The following RRM1 variants were observed in gnomAD, a reference collection of about 807,000 sequenced individuals.
The protein encoded by RRM1 is ribonucleotide reductase catalytic subunit M1, also known as ribonucleoside-diphosphate reductase large subunit.
Under a neutral mutation model 101.5 loss-of-function variants are expected in RRM1, and 19 were observed. The ratio of observed to expected loss-of-function variants is 0.19; its 90% CI spans 0.13 to 0.27. The LOEUF (loss-of-function observed/expected upper bound fraction) is 0.27. Among genes scored for constraint, RRM1 ranks in the 10% least tolerant of loss-of-function variants. RRM1 has a pLI of 1.00. For synonymous variants in RRM1, 298 were observed against 323.4 expected (o/e 0.92, Z 0.84); for missense variants, 500 against 962.9 (o/e 0.52, Z 6.36).
chr11:4,127,291 G>A (rs774936484), intron 14 of RRM1, 35 bp downstream of exon 14: 2 of 1,391,870 alleles, frequency 1.4e-6, no homozygotes, highest in Non-Finnish European at 2.0e-6. Flanking sequence ...TTGCCTGTGA[G>A]TACCTGTAGT....
At chr11:4,123,456 C>T (rs1274817263) in intron 12 of RRM1, 72 bp downstream of exon 12, 5 of 1,167,624 alleles carry the variant, frequency 4.3e-6, no homozygotes, top group Admixed American at 3.5e-5. Flanking sequence ...GAATTCCTCA[C>T]TTGATTTCAC....
Position 4,132,234 on chromosome 11 carries a change from C to T in RRM1, c.1770-52C>T. 1 of 1,591,862 alleles carries T rather than the reference C, an allele frequency of 6.3e-7. No individual in the cohort carries two copies. The highest frequency in any genetic ancestry group is 8.6e-7 in the Non-Finnish European group (1 of 1,160,960). The stretch of plus-strand genomic sequence containing the variant: ...TACAGTGACTTAAAGTAGCTGCTTT[C>T]CTGGCAGATTGTAGCTTTGGGACTA... On this transcript the variant is annotated intron_variant, in intron 15 of 18. Coordinates refer to ENST00000300738, the MANE Select transcript of RRM1 (RefSeq NM_001033.5). The surrounding 1 kb of genome is among the most constrained non-coding windows in gnomAD (Gnocchi z 4.1).
intron 1 of RRM1, 85 bp downstream of exon 1, chr11:4,095,116 GCCTTCGCTGCTT>G: frequency 1.6e-6 from 2 of 1,270,294 alleles, no homozygotes; most frequent in South Asian, 1.3e-5. Flanking sequence ...CCGCCCGCCC[GCCTTCGCTGCTT>G]CCCGCCTTTC....
intron 1 of RRM1, among the ~76,000 whole-genome samples, chr11:4,101,414 A>T (rs2094550716): frequency 2.0e-5 from 3 of 151,986 alleles, no homozygotes; most frequent in East Asian, 3.9e-4. Context: ...CTGGGTTCAA[A>T]CAATTCTCCT....
Position 4,094,901 on chromosome 11 carries a change from T to C in RRM1, c.-112T>C. ...TGGCTCCAACTCCAGTTCTTTCCCC[T>C]GAGCAGCGCCTGGAACCTAACCCTT... On this transcript the variant is annotated 5_prime_UTR_variant, in exon 1 of 19. Coordinates refer to ENST00000300738, the MANE Select transcript of RRM1 (RefSeq NM_001033.5). 1 of 1,157,406 alleles carries C rather than the reference T, an allele frequency of 8.6e-7. No homozygotes were observed. Among genetic ancestry groups the C allele is most frequent in the African/African-American group, 1.5e-5 (1 of 65,538 alleles). The allele number at this position is 1,157,406 out of a possible 1,614,324, so 71.7% of individuals were successfully genotyped here.
At chr11:4,127,664 TGA>T (rs2094592066) in intron 14 of RRM1, among the ~76,000 whole-genome samples, 1 of 152,246 alleles carries the variant, frequency 6.6e-6, no homozygotes, top group African/African-American at 2.4e-5. Flanking sequence ...TTCAGAACTA[TGA>T]GAGAATAAAT....
intron 18 of RRM1, among the ~76,000 whole-genome samples, chr11:4,136,407 AT>A (rs1456900477): frequency 6.6e-6 from 1 of 151,774 alleles, no homozygotes; most frequent in East Asian, 1.9e-4. Context: ...TTTATTAGAG[AT>A]GGGGTTTTGC....
chr11:4,129,027 A>G (rs1226688541), intron 14 of RRM1, 47 bp from the exon 15 acceptor site: 2 of 1,016,338 alleles, frequency 2.0e-6, no homozygotes, highest in East Asian at 2.6e-5. Context: ...TTTTTTGGTC[A>G]TAGTTTTAAC....
chr11:4,096,973 C>T (rs1367023558), intron 1 of RRM1, among the ~76,000 whole-genome samples: 2 of 144,236 alleles, frequency 1.4e-5, no homozygotes, highest in Non-Finnish European at 2.9e-5. Context: ...TAAATACTTT[C>T]GTTTAAAAAG....
chr11:4,129,023 G>C, intron 14 of RRM1, 51 bp from the exon 15 acceptor site: 2 of 622,648 alleles, frequency 3.2e-6, no homozygotes, highest in Non-Finnish European at 4.8e-6. Context: ...TTTTTTTTTT[G>C]GTCATAGTTT....
chr11:4,106,358 G>T, intron 3 of RRM1, 135 bp downstream of exon 3: 1 of 748,316 alleles, frequency 1.3e-6, no homozygotes. Context: ...CAGCAATTTG[G>T]GAGGCCAAGG....
intron 8 of RRM1, chr11:4,119,633 T>C: frequency 2.0e-6 from 1 of 492,650 alleles, no homozygotes; most frequent in Non-Finnish European, 3.6e-6. Flanking sequence ...AGAAATGCCA[T>C]GAGGTAACTT....
intron 3 of RRM1, among the ~76,000 whole-genome samples, chr11:4,107,019 G>A (rs1158834819): frequency 2.0e-5 from 3 of 151,722 alleles, no homozygotes; most frequent in East Asian, 2.0e-4. Flanking sequence ...TCAGCCTCCC[G>A]AGTAGTTGGG....
At chr11:4,102,210 G>T in intron 2 of RRM1, 129 bp downstream of exon 2, 2 of 607,672 alleles carry the variant, frequency 3.3e-6, no homozygotes, top group Non-Finnish European at 5.8e-6. Context: ...TATAAAATTT[G>T]AATTCATTGC....
intron 1 of RRM1, among the ~76,000 whole-genome samples, chr11:4,099,086 T>C (rs1236970737): frequency 1.3e-5 from 2 of 152,164 alleles, no homozygotes; most frequent in Non-Finnish European, 2.9e-5. Context: ...GAGAGAAGAA[T>C]GAAAGACAGT....
At chr11:4,137,962 CCTTCCCAGATGGG>C (rs2094616096) in intron 18 of RRM1, 1 of 112,368 alleles carries the variant, frequency 8.9e-6, no homozygotes, top group African/African-American at 3.3e-5. Context: ...CCCCCCACCT[CCTTCCCAGATGGG>C]GCGGCTGGCC....
Position 4,129,147 on chromosome 11 carries a change from C to A in RRM1, c.1766C>A (p.Ala589Glu). ...TGGAAGGTTCTCAAGGAGAAGATTG[C>A]AAAGTAAGTGAAAAGATGTAAAGTA... Reference protein sequence around the residue: ...WDWKVLKEKIAKYGIRNSLLI... With the variant: ...WDWKVLKEKIEKYGIRNSLLI... The change falls in exon 15 of 19, where the codon GCA (alanine) becomes GAA (glutamate). Residue 589 changes from alanine (A) to glutamate (E), a missense_variant. Ala to Glu is a moderately radical substitution (Grantham distance 107). This residue lies in a region of RRM1 where 106 missense variants were observed against 138.1 expected (regional missense o/e 0.77). Transcript: ENST00000300738. 6.3e-7 allele frequency: 1 copy of A among 1,587,424 alleles called. No homozygotes were observed. Among genetic ancestry groups the A allele is most frequent in the Non-Finnish European group, 8.6e-7 (1 of 1,158,508 alleles).
At chr11:4,113,898 G>A (rs552092128) in intron 7 of RRM1, among the ~76,000 whole-genome samples, 8 of 152,056 alleles carry the variant, frequency 5.3e-5, no homozygotes, top group South Asian at 4.1e-4. Context: ...AGGCCGAGGC[G>A]GGCGGATTGC....
At chr11:4,124,696 T>C (rs572961465) in intron 12 of RRM1, among the ~76,000 whole-genome samples, 1 of 151,860 alleles carries the variant, frequency 6.6e-6, no homozygotes, top group Non-Finnish European at 1.5e-5. Context: ...GCAGAATTCC[T>C]TTTTTTTCGG....
Sources: allele counts gnomAD v4.1 joint callset (sites outside exome capture counted in the v4.1 genomes callset), GRCh38; gene constraint gnomAD v4.1.1; regional missense constraint gnomAD v4.1.1; non-coding constraint Gnocchi (gnomAD v3.1); transcripts MANE v1.5; gene names NCBI Gene and HGNC (gene_info 2026-07-23, HGNC 2026-07-21).